PTPRD: variants seen among roughly 807,000 people sequenced by gnomAD.
The protein encoded by PTPRD is receptor-type tyrosine-protein phosphatase delta.
Under a neutral mutation model 214.5 loss-of-function variants are expected in PTPRD, and 34 were observed. The observed-to-expected ratio is 0.16, with a 90% confidence interval of 0.12 to 0.21. The LOEUF (loss-of-function observed/expected upper bound fraction) is 0.21. PTPRD is among the 10% of genes least tolerant of loss of function. PTPRD has a pLI of 1.00. For synonymous variants in PTPRD, 1,128 were observed against 845.7 expected (o/e 1.33, Z -5.79); for missense variants, 2,545 against 2,398.7 (o/e 1.06, Z -1.27).
chr9:9,252,649 T>C (rs1460419896), intron 9 of PTPRD, among the ~76,000 whole-genome samples: 1 of 152,002 alleles, frequency 6.6e-6, no homozygotes, highest in Non-Finnish European at 1.5e-5. Context: ...TCTGGCAATT[T>C]ATTTTTATTT....
chr9:9,256,545 C>G (rs536230951), intron 9 of PTPRD, among the ~76,000 whole-genome samples: 6 of 151,876 alleles, frequency 4.0e-5, no homozygotes, highest in Non-Finnish European at 5.9e-5. Context: ...TCAGGAGGAC[C>G]CTTTAAAGTG....
At chr9:9,179,747 A>G (rs1056464881) in intron 10 of PTPRD, among the ~76,000 whole-genome samples, 2 of 152,064 alleles carry the variant, frequency 1.3e-5, no homozygotes, top group Non-Finnish European at 2.9e-5. Context: ...GATTCTGTCA[A>G]TCAGGAACCA....
At chr9:8,776,810 G>A (rs1302968638) in intron 11 of PTPRD, among the ~76,000 whole-genome samples, 1 of 144,776 alleles carries the variant, frequency 6.9e-6, no homozygotes, top group African/African-American at 2.5e-5. Context: ...TATTATATAT[G>A]TATAATATAT....
chr9:10,049,937 T>C (rs2097496378), intron 3 of PTPRD, among the ~76,000 whole-genome samples: 1 of 152,206 alleles, frequency 6.6e-6, no homozygotes, highest in African/African-American at 2.4e-5. Flanking sequence ...TCAATTATTT[T>C]GTCATTTATC....
At chr9:8,373,840 G>GTATA (rs3042127) in intron 39 of PTPRD, among the ~76,000 whole-genome samples, 2 of 109,902 alleles carry the variant, frequency 1.8e-5, no homozygotes, top group African/African-American at 5.2e-5. Flanking sequence ...ATGTATGTAT[G>GTATA]TATGTATGTG....
chr9:8,365,865 G>A (rs1201303780), intron 39 of PTPRD, among the ~76,000 whole-genome samples: 32 of 152,144 alleles, frequency 2.1e-4, no homozygotes, highest in Admixed American at 2.1e-3. Flanking sequence ...CCTTCAAGCT[G>A]ACTGAGAAAA....
intron 2 of PTPRD, among the ~76,000 whole-genome samples, chr9:10,355,401 T>G (rs2097258039): frequency 6.6e-6 from 1 of 152,122 alleles, no homozygotes; most frequent in African/African-American, 2.4e-5. Context: ...CACCATGGAA[T>G]GTTTTGTTAA....
intron 9 of PTPRD, among the ~76,000 whole-genome samples, chr9:9,264,744 A>C (rs1302344293): frequency 6.6e-6 from 1 of 151,642 alleles, no homozygotes; most frequent in African/African-American, 2.4e-5. Flanking sequence ...TTAAAATAAA[A>C]CTGTCAAAAA....
chr9:10,461,182 A>C (rs888857464), intron 2 of PTPRD, among the ~76,000 whole-genome samples: 3 of 151,324 alleles, frequency 2.0e-5, no homozygotes, highest in Non-Finnish European at 4.4e-5. Flanking sequence ...ACAATTCAAA[A>C]CTCTATATAT....
intron 11 of PTPRD, among the ~76,000 whole-genome samples, chr9:8,881,393 T>C (rs1202034361): frequency 1.3e-5 from 2 of 152,186 alleles, no homozygotes; most frequent in Non-Finnish European, 2.9e-5. Flanking sequence ...AGGTCAGACA[T>C]ATTAGGCTTT....
chr9:9,851,533 T>C (rs959811642), intron 5 of PTPRD, among the ~76,000 whole-genome samples: 31 of 152,258 alleles, frequency 2.0e-4, no homozygotes, highest in Non-Finnish European at 4.0e-4. Context: ...CATGATAATA[T>C]TGAATTACAT....
intron 3 of PTPRD, among the ~76,000 whole-genome samples, chr9:10,300,619 T>A (rs755601226): frequency 1.3e-5 from 2 of 152,102 alleles, no homozygotes; most frequent in Non-Finnish European, 2.9e-5. Context: ...GTAAGTGGTT[T>A]TACCCTCACA....
chr9:8,798,471 A>G lies in PTPRD; in HGVS notation c.-103-64525T>C, dbSNP rs547444722. On this transcript the variant is annotated intron_variant, in intron 11 of 45. Coordinates refer to ENST00000381196, the MANE Select transcript of PTPRD (RefSeq NM_002839.4). ...ACAATAAATCAGCAGAGAAGTTCTG[A>G]TATTTACTCACAGGAAAAAGATTAT... 5.9e-5 allele frequency among the ~76,000 whole-genome samples: 9 copies of G among 152,310 alleles called. No individual in the cohort carries two copies. In the South Asian group the frequency reaches 1.9e-3, roughly 32 times the overall value.
Position 9,884,720 on chromosome 9 carries a change from T to C in PTPRD, c.-368+53787A>G, listed in dbSNP as rs559003848. Among the ~76,000 whole-genome samples, 22 of 152,260 alleles carry C rather than the reference T, an allele frequency of 1.4e-4. No individual in the cohort carries two copies. In the South Asian group the frequency reaches 3.1e-3, roughly 21 times the overall value. On this transcript the variant is annotated intron_variant, in intron 5 of 45. Coordinates refer to ENST00000381196, the MANE Select transcript of PTPRD (RefSeq NM_002839.4). ...TAATTGAATCATGGGGATGGTTACC[T>C]ACATGCTGTTTTCATGATAGTGAGT...
intron 11 of PTPRD, among the ~76,000 whole-genome samples, chr9:8,760,050 A>T (rs946120918): frequency 6.6e-6 from 1 of 152,096 alleles, no homozygotes; most frequent in Admixed American, 6.5e-5. Flanking sequence ...TTGTAGCTGG[A>T]ATCTAAGGTA....
intron 14 of PTPRD, among the ~76,000 whole-genome samples, chr9:8,615,211 A>G (rs2095571394): frequency 6.6e-6 from 1 of 151,796 alleles, no homozygotes; most frequent in Non-Finnish European, 1.5e-5. Context: ...CTCAATACAC[A>G]TGTGTAACTC....
chr9:9,649,213 A>T (rs2096272612), intron 7 of PTPRD, among the ~76,000 whole-genome samples: 1 of 152,336 alleles, frequency 6.6e-6, no homozygotes, highest in East Asian at 1.9e-4. Flanking sequence ...CCCTGTGTAC[A>T]TATTAGCAGA....
rs2135959530 is a variant in PTPRD at position 8,486,180 on chromosome 9, G to C, written c.2637C>G (p.His879Gln). ...TTLEFSEKED[H>Q]FTATDIHKGA... ...CCTTGTGGATGTCTGTAGCTGTAAAGTGATCTTCTTTTTCAGAGAACTCAA... is the reference window on the plus strand; with the variant it reads ...CCTTGTGGATGTCTGTAGCTGTAAACTGATCTTCTTTTTCAGAGAACTCAA... The change falls in exon 28 of 46, where the codon CAC (histidine) becomes CAG (glutamine). Residue 879 changes from histidine (H) to glutamine (Q), a missense_variant. Physicochemically the swap from His to Gln is conservative, Grantham distance 24. Transcript: ENST00000381196. 4.3e-6 allele frequency: 7 copies of C among 1,614,184 alleles called. No individual in the cohort carries two copies. The highest frequency in any genetic ancestry group is 5.9e-6 in the Non-Finnish European group (7 of 1,180,026).
At chr9:9,209,143 A>C (rs12237884) in intron 9 of PTPRD, among the ~76,000 whole-genome samples, 1 of 151,940 alleles carries the variant, frequency 6.6e-6, no homozygotes, top group African/African-American at 2.4e-5. Context: ...ACTCCCACCA[A>C]TGATGTAGTT....
Sources: allele counts gnomAD v4.1 joint callset (sites outside exome capture counted in the v4.1 genomes callset), GRCh38; gene constraint gnomAD v4.1.1; transcripts MANE v1.5; gene names NCBI Gene and HGNC (gene_info 2026-07-23, HGNC 2026-07-21).